The following SLC12A7 variants were observed in gnomAD, a reference collection of about 807,000 sequenced individuals.
The protein encoded by SLC12A7 is solute carrier family 12 member 7, also known as K-Cl cotransporter 4.
Under a neutral mutation model 120.6 loss-of-function variants are expected in SLC12A7, and 100 were observed. The observed-to-expected ratio is 0.83, with a 90% CI of 0.71 to 0.98. The LOEUF is 0.98. Among genes scored for constraint, SLC12A7 ranks in the 50% least tolerant of loss-of-function variants. SLC12A7 has a pLI of 0.00. For missense variants in SLC12A7, 1,373 were observed against 1,548.1 expected (o/e 0.89, Z 1.90); for synonymous variants, 760 against 678.0 (o/e 1.12, Z -1.88).
upstream of SLC12A7, among the ~76,000 whole-genome samples, chr5:1,115,142 C>G (rs1743264448): frequency 6.6e-6 from 1 of 152,250 alleles, no homozygotes; most frequent in Non-Finnish European, 1.5e-5. Flanking sequence ...CAAATGCAAT[C>G]TCGCATCCTT....
chr5:1,130,260 G>A, the SLC12A7 span, among the ~76,000 whole-genome samples: 22 of 152,240 alleles, frequency 1.4e-4, no homozygotes, highest in Middle Eastern at 3.4e-3. Flanking sequence ...GGACCCCACC[G>A]GGCGAGGCTG....
chr5:1,056,103 G>A lies in SLC12A7; in HGVS notation c.3026+1368C>T, dbSNP rs141005212. On this transcript the variant is annotated intron_variant, in intron 22 of 23. Transcript: ENST00000264930. ...CTCCCACCTGCCCCGGAGCTCAGAC[G>A]CAGGTAGCTCCTGCCGAGGGTCCGA... is the stretch of plus-strand genomic sequence containing the variant. Among the ~76,000 whole-genome samples, 53 of 152,268 alleles carry A rather than the reference G, an allele frequency of 3.5e-4. No homozygotes were observed. The East Asian group carries it at 7.4e-3, about 21-fold the overall frequency.
chr5:1,064,760 TGAAGGGACAGCAAGGGGAC>T (rs1736756715), intron 18 of SLC12A7, among the ~76,000 whole-genome samples: 1 of 96,700 alleles, frequency 1.0e-5, no homozygotes, highest in African/African-American at 4.3e-5. Flanking sequence ...GAGGAGACGG[TGAAGGGACAGCAAGGGGAC>T]GGTGAGGGGA....
intron 1 of SLC12A7, among the ~76,000 whole-genome samples, chr5:1,101,612 C>A (rs995401063): frequency 6.6e-6 from 1 of 152,192 alleles, no homozygotes; most frequent in Admixed American, 6.5e-5. Context: ...AGTTTTTTCT[C>A]GTCTTATTTT....
intron 21 of SLC12A7, among the ~76,000 whole-genome samples, chr5:1,058,889 A>G (rs1321938779): frequency 5.8e-5 from 1 of 17,382 alleles, no homozygotes; most frequent in Non-Finnish European, 2.5e-3. Context: ...CAGCTCATCC[A>G]AACCCTTCTG....
chr5:1,147,485 T>C, the SLC12A7 span, among the ~76,000 whole-genome samples: 21 of 151,592 alleles, frequency 1.4e-4, no homozygotes, highest in African/African-American at 4.8e-4. Flanking sequence ...CTGCCCTCTG[T>C]CCTCTCGGGG....
intron 17 of SLC12A7, among the ~76,000 whole-genome samples, chr5:1,065,908 C>T (rs962903418): frequency 1.3e-5 from 2 of 151,824 alleles, no homozygotes; most frequent in African/African-American, 2.4e-5. Flanking sequence ...GGATGCAGCA[C>T]CCTAACAGCA....
At chr5:1,074,839 C>A in intron 15 of SLC12A7, 168 bp from the exon 16 acceptor site, 3 of 646,362 alleles carry the variant, frequency 4.6e-6, no homozygotes, top group Non-Finnish European at 8.0e-6. Flanking sequence ...TGAAGGGAGC[C>A]CGTCCTAGGA....
At chr5:1,062,514 A>T (rs889566998) in intron 20 of SLC12A7, among the ~76,000 whole-genome samples, 1 of 152,216 alleles carries the variant, frequency 6.6e-6, no homozygotes, top group East Asian at 1.9e-4. Context: ...AAGGTCCTGC[A>T]GGGCAAGAGG....
the SLC12A7 span, among the ~76,000 whole-genome samples, chr5:1,120,499 C>T: frequency 6.6e-6 from 1 of 152,238 alleles, no homozygotes; most frequent in Non-Finnish European, 1.5e-5. Context: ...ATGCTCACAG[C>T]CGCTGTACCT....
chr5:1,092,825 C>T (rs558498444), intron 3 of SLC12A7, among the ~76,000 whole-genome samples: 7 of 152,200 alleles, frequency 4.6e-5, no homozygotes, highest in South Asian at 2.1e-4. Context: ...CTGAGCCACC[C>T]GCCGCACCCC....
At chr5:1,093,350 AGG>A (rs1740733908) in intron 3 of SLC12A7, among the ~76,000 whole-genome samples, 181 bp downstream of exon 3, 1 of 152,172 alleles carries the variant, frequency 6.6e-6, no homozygotes, top group African/African-American at 2.4e-5. Flanking sequence ...GAGAGGGAAG[AGG>A]CCTGGACAGG....
chr5:1,077,756 C>T, intron 12 of SLC12A7, 77 bp downstream of exon 12: 2 of 1,406,202 alleles, frequency 1.4e-6, no homozygotes, highest in South Asian at 1.4e-5. Context: ...ACACACGGCA[C>T]TGTGAGGATC....
At position 1,093,544 on chromosome 5, in the gene SLC12A7, G is replaced by GCC. The variant is rs1740767540; in HGVS notation, c.329_330dup (p.Arg111GlyfsTer32). 16 of 1,592,596 alleles carry GCC rather than the reference G, an allele frequency of 1.0e-5. No homozygotes were observed. Among genetic ancestry groups the GCC allele is most frequent in the Non-Finnish European group, 1.3e-5 (15 of 1,170,832 alleles). ...CAGGGTGGCAGTACCTTGGCCTCCC[G>GCC]CCGCCGGCTCTCCTCGTCCTCCTCG... On this transcript the variant is annotated frameshift_variant, in exon 3 of 24. Transcript: ENST00000264930. LOFTEE classifies it high-confidence loss of function.
Position 1,052,005 on chromosome 5 carries a change from C to T in SLC12A7, c.*355G>A, listed in dbSNP as rs988953948. On this transcript the variant is annotated 3_prime_UTR_variant, in exon 24 of 24. Transcript: ENST00000264930. Reference sequence around the variant, plus strand: ...GGATGGGGTAGAAATGCAACCTAACCACTGGGTAAATCCAGCCAAGGAAAA... The same window carrying T: ...GGATGGGGTAGAAATGCAACCTAACTACTGGGTAAATCCAGCCAAGGAAAA... 5.5e-5 allele frequency: 17 copies of T among 309,192 alleles called. 1 individual carries two copies. The East Asian group carries it at 8.7e-4, about 16-fold the overall frequency. 19.2% of individuals were successfully genotyped at this position (309,192 alleles called of 1,614,324 possible).
At chr5:1,117,891 G>T in the SLC12A7 span, among the ~76,000 whole-genome samples, 1 of 152,170 alleles carries the variant, frequency 6.6e-6, no homozygotes, top group South Asian at 2.1e-4. The surrounding 1 kb of genome is among the most constrained non-coding windows in gnomAD (Gnocchi z 4.5). Flanking sequence ...CTAACACGGT[G>T]AAACCCCGTC....
chr5:1,144,607 C>T, the SLC12A7 span, among the ~76,000 whole-genome samples: 4 of 152,188 alleles, frequency 2.6e-5, no homozygotes, highest in Admixed American at 1.3e-4. Flanking sequence ...GGTGGGCACC[C>T]GCCTTGAAAA....
chr5:1,147,491 C>T, the SLC12A7 span, among the ~76,000 whole-genome samples: 5 of 152,024 alleles, frequency 3.3e-5, no homozygotes, highest in Non-Finnish European at 7.4e-5. Context: ...TCTGTCCTCT[C>T]GGGGCCGCCT....
the SLC12A7 span, among the ~76,000 whole-genome samples, chr5:1,132,474 G>A: frequency 1.3e-5 from 2 of 152,012 alleles, no homozygotes; most frequent in Non-Finnish European, 2.9e-5. Flanking sequence ...TCTTTCTTGT[G>A]TGAGGTCCAA....
Sources: allele counts gnomAD v4.1 joint callset (sites outside exome capture counted in the v4.1 genomes callset), GRCh38; gene constraint gnomAD v4.1.1; non-coding constraint Gnocchi (gnomAD v3.1); transcripts MANE v1.5; gene names NCBI Gene and HGNC (gene_info 2026-07-23, HGNC 2026-07-21).